DPYSL3: variants seen among roughly 807,000 people sequenced by gnomAD.
DPYSL3 encodes the protein dihydropyrimidinase-related protein 3.
A neutral mutation model predicts 66.1 loss-of-function variants in DPYSL3; 16 were observed. That is an observed-to-expected ratio of 0.24 (90% confidence interval 0.16 to 0.37). DPYSL3 has a LOEUF of 0.37. DPYSL3 is among the 10% of genes least tolerant of loss of function. The pLI, the probability that DPYSL3 is intolerant of heterozygous loss-of-function variation, is 1.00. For missense variants in DPYSL3, 738 were observed against 916.2 expected (o/e 0.81, Z 2.51); for synonymous variants, 338 against 345.1 (o/e 0.98, Z 0.23).
At chr5:147,453,805 C>T (rs1404758887) in intron 1 of DPYSL3, 23 of 1,225,738 alleles carry the variant, frequency 1.9e-5, no homozygotes, top group African/African-American at 1.3e-4. Context: ...CCCCCGCCCC[C>T]CCACGCACAC....
chr5:147,488,280 G>A lies in DPYSL3; in HGVS notation c.381+21198C>T, dbSNP rs902772177. 2.0e-5 allele frequency among the ~76,000 whole-genome samples: 3 copies of A among 152,180 alleles called. No individual in the cohort carries two copies. The East Asian group carries it at 5.8e-4, about 29-fold the overall frequency. On this transcript the variant is annotated intron_variant, in intron 1 of 13. Transcript: ENST00000343218. Reference sequence around the variant, plus strand: ...AAACCAGGAGGTAGATCAAGGGAAGGAAGAAGTGAAGAGGGATTTGGACAG... The same window carrying A: ...AAACCAGGAGGTAGATCAAGGGAAGAAAGAAGTGAAGAGGGATTTGGACAG...
At chr5:147,410,022 A>G (rs1362701558) in intron 6 of DPYSL3, among the ~76,000 whole-genome samples, 1 of 152,228 alleles carries the variant, frequency 6.6e-6, no homozygotes, top group Non-Finnish European at 1.5e-5. Context: ...GAAAGGTTAC[A>G]GGCTTATTTT....
intron 1 of DPYSL3, among the ~76,000 whole-genome samples, chr5:147,459,771 C>T (rs1420865032): frequency 6.6e-6 from 1 of 152,204 alleles, no homozygotes; most frequent in Admixed American, 6.5e-5. Context: ...CTCCATCCAG[C>T]TCTGATGGCA....
chr5:147,394,225 A>G (rs1177856807), intron 13 of DPYSL3, 102 bp from the exon 14 acceptor site: 12 of 1,196,864 alleles, frequency 1.0e-5, no homozygotes, highest in Non-Finnish European at 1.1e-5. Flanking sequence ...AGTGCAAGAT[A>G]TGAAGTGCCT....
Position 147,405,728 on chromosome 5 carries a change from C to T in DPYSL3, c.1035G>A (p.Leu345=). The T allele has an allele frequency of 1.9e-6, 3 of 1,609,176 alleles. No homozygotes were observed. The highest frequency in any genetic ancestry group is 2.7e-5 in the African/African-American group (2 of 74,682). The change falls in exon 8 of 14, where the codon CTG becomes CTA. Residue 345 remains leucine, a splice_region_variant and synonymous_variant. Transcript: ENST00000343218. Reference sequence around the variant, plus strand: ...TGGCACGGAACACAGCCTCAGCTTCCAGCTGCAAGAAAAAGTCTCCAGGAG... The same window carrying T: ...TGGCACGGAACACAGCCTCAGCTTCTAGCTGCAAGAAAAAGTCTCCAGGAG... ...EGHVLSRPEE[L]EAEAVFRAIT...
intron 1 of DPYSL3, chr5:147,472,507 G>A (rs1329235087): frequency 6.6e-6 from 1 of 152,114 alleles, no homozygotes; most frequent in African/African-American, 2.4e-5. Context: ...GATCAAATGA[G>A]ATAATGGAAA....
rs540144384 is a variant in DPYSL3, at chr5:147,453,795, C to A, written c.382-28832G>T. ...GTAAATCTCCCCGGTCCCCCTTTCACCCCCGCCCCCCCACGCACACCCTCC... is the reference window on the plus strand; with the variant it reads ...GTAAATCTCCCCGGTCCCCCTTTCAACCCCGCCCCCCCACGCACACCCTCC... On this transcript the variant is annotated intron_variant, in intron 1 of 13. Transcript: ENST00000343218. 7,547 of 1,258,024 alleles carry A rather than the reference C, an allele frequency of 6.0e-3. 25 individuals carry two copies. The highest frequency in any genetic ancestry group is 8.0e-3 in the Middle Eastern group (27 of 3,356). 77.9% of individuals were successfully genotyped at this position (1,258,024 alleles called of 1,614,324 possible).
At chr5:147,417,912 C>A (rs761708295) in intron 3 of DPYSL3, among the ~76,000 whole-genome samples, 2 of 152,082 alleles carry the variant, frequency 1.3e-5, no homozygotes, top group African/African-American at 4.8e-5. Context: ...ACATGACCAG[C>A]GTCCCAGTAG....
chr5:147,491,262 A>G (rs531396381), intron 1 of DPYSL3, among the ~76,000 whole-genome samples: 1 of 152,202 alleles, frequency 6.6e-6, no homozygotes, highest in Admixed American at 6.5e-5. Flanking sequence ...CAGGCTCACC[A>G]AAAGACTTAG....
At chr5:147,506,650 G>T in intron 1 of DPYSL3, among the ~76,000 whole-genome samples, 1 of 152,052 alleles carries the variant, frequency 6.6e-6, no homozygotes, top group Admixed American at 6.6e-5. Flanking sequence ...TGAGATAATT[G>T]CCCTCATACA....
intron 1 of DPYSL3, among the ~76,000 whole-genome samples, chr5:147,448,084 G>GT (rs1166626006): frequency 8.6e-5 from 13 of 150,882 alleles, no homozygotes; most frequent in South Asian, 2.1e-4. Flanking sequence ...GACAGGAGGG[G>GT]TTTTTTTTTC....
intron 2 of DPYSL3, among the ~76,000 whole-genome samples, chr5:147,422,954 A>G (rs535239094): frequency 1.5e-4 from 23 of 152,250 alleles, no homozygotes; most frequent in South Asian, 1.5e-3. Context: ...ATACCTATGT[A>G]ACAAACCTGC....
intron 1 of DPYSL3, among the ~76,000 whole-genome samples, chr5:147,507,275 C>G (rs1444317747): frequency 6.6e-6 from 1 of 151,946 alleles, no homozygotes; most frequent in Non-Finnish European, 1.5e-5. Flanking sequence ...TATATTTACC[C>G]TTATATTTCC....
At chr5:147,480,914 G>A (rs953609858) in intron 1 of DPYSL3, among the ~76,000 whole-genome samples, 1 of 151,878 alleles carries the variant, frequency 6.6e-6, no homozygotes, top group Admixed American at 6.6e-5. Flanking sequence ...TAGAGACAGG[G>A]TTTCTCCATG....
chr5:147,431,800 G>A (rs537705140), intron 1 of DPYSL3, among the ~76,000 whole-genome samples: 123 of 152,184 alleles, frequency 8.1e-4, no homozygotes, highest in African/African-American at 2.9e-3. Context: ...GGCCCCTCCA[G>A]GTCATTTTTC....
At chr5:147,464,201 T>C (rs980433602) in intron 1 of DPYSL3, among the ~76,000 whole-genome samples, 1 of 152,180 alleles carries the variant, frequency 6.6e-6, no homozygotes, top group Non-Finnish European at 1.5e-5. Flanking sequence ...TCCTCCAGGG[T>C]GCACTGGACA....
intron 1 of DPYSL3, chr5:147,453,699 C>T: frequency 7.4e-7 from 1 of 1,347,136 alleles, no homozygotes. Flanking sequence ...GAATGGTGCG[C>T]TGGCCGCGCC....
At chr5:147,413,694 A>T in intron 4 of DPYSL3, 37 bp from the exon 5 acceptor site, 1 of 1,546,358 alleles carries the variant, frequency 6.5e-7, no homozygotes, top group African/African-American at 1.4e-5. Context: ...CAAGAGAAAG[A>T]CAACATTATC....
chr5:147,478,443 G>C (rs1428475767), intron 1 of DPYSL3, among the ~76,000 whole-genome samples: 1 of 152,182 alleles, frequency 6.6e-6, no homozygotes, highest in Non-Finnish European at 1.5e-5. Flanking sequence ...TAAGAAGATG[G>C]TACCTTTGGA....
Sources: gnomAD v4.1 joint callset for allele counts (sites outside exome capture counted in the v4.1 genomes callset) on GRCh38, gnomAD v4.1.1 for gene constraint, MANE v1.5 for transcripts, NCBI Gene and HGNC (gene_info 2026-07-23, HGNC 2026-07-21) for gene names.